MROH1: variants seen among roughly 807,000 people sequenced by gnomAD.
MROH1 encodes maestro heat-like repeat-containing protein family member 1.
A neutral mutation model predicts 116.5 loss-of-function variants in MROH1; 117 were observed. The ratio of observed to expected loss-of-function variants is 1.00; its 90% CI spans 0.86 to 1.17. The LOEUF (loss-of-function observed/expected upper bound fraction) is 1.17, where lower values mean the gene tolerates loss of function less well. Ranked by LOEUF, MROH1 falls within the 50% of genes most tolerant of loss-of-function variation. MROH1 has a pLI of 0.00. For synonymous variants in MROH1, 921 were observed against 583.9 expected, an observed-to-expected ratio of 1.58 and a Z score of -8.32; for missense variants, 1,873 against 1,338.5, an observed-to-expected ratio of 1.40 and a Z score of -6.23.
chr8:144,195,059 AT>A (rs1181017311), intron 10 of MROH1, among the ~76,000 whole-genome samples: 1 of 149,360 alleles, frequency 6.7e-6, no homozygotes, highest in Non-Finnish European at 1.5e-5. Flanking sequence ...GCCAGGTGTC[AT>A]GGCGCATGCC....
chr8:144,151,615 A>G (rs1816812752), intron 1 of MROH1, among the ~76,000 whole-genome samples: 1 of 152,260 alleles, frequency 6.6e-6, no homozygotes, highest in South Asian at 2.1e-4. Flanking sequence ...CCAAAGGGCA[A>G]GAACCCGGGA....
At chr8:144,155,762 T>A (rs1359940785) in intron 1 of MROH1, among the ~76,000 whole-genome samples, 2 of 151,262 alleles carry the variant, frequency 1.3e-5, no homozygotes, top group Non-Finnish European at 2.9e-5. Context: ...GCCTCCTGAG[T>A]AGCTGGGACT....
At chr8:144,154,051 C>T (rs922194293) in intron 1 of MROH1, among the ~76,000 whole-genome samples, 3 of 150,966 alleles carry the variant, frequency 2.0e-5, no homozygotes, top group Admixed American at 1.3e-4. Flanking sequence ...TGAGCCAAAG[C>T]GTCCACCCTA....
chr8:144,247,129 G>C (rs932781819), intron 29 of MROH1, among the ~76,000 whole-genome samples, 172 bp from the exon 30 acceptor site: 2 of 152,206 alleles, frequency 1.3e-5, no homozygotes, highest in African/African-American at 4.8e-5. Context: ...CGCTGCAGCA[G>C]GAGGGGAGGG....
At chr8:144,257,403 C>T (rs886635869) in intron 35 of MROH1, among the ~76,000 whole-genome samples, 35 of 152,260 alleles carry the variant, frequency 2.3e-4, no homozygotes, top group African/African-American at 6.7e-4. Flanking sequence ...GGAGCAGGCC[C>T]CCAGCACCTC....
Position 144,244,476 on chromosome 8 carries a change from G to A in MROH1, c.2703G>A (p.Glu901=), listed in dbSNP as rs1047764294. 6.5e-6 allele frequency: 5 copies of A among 773,258 alleles called. No homozygotes were observed. The highest frequency in any genetic ancestry group is 2.7e-5 in the South Asian group (2 of 72,808). 47.9% of individuals were successfully genotyped at this position (773,258 alleles called of 1,614,324 possible). A position where few individuals can be genotyped will look rare whatever the true frequency, so the allele number is the denominator to read the frequency against. Residue 901 remains glutamate (E), a synonymous_variant, in exon 28 of 44, where the codon GAG becomes GAA. Coordinates refer to ENST00000326134, the MANE Select transcript of MROH1 (RefSeq NM_032450.3). ...ATCTGGAGACACTGCACGCCCTTGAGGATCTGCTGACGAGCCTCCTGCAGC... is the reference window on the plus strand; with the variant it reads ...ATCTGGAGACACTGCACGCCCTTGAAGATCTGCTGACGAGCCTCCTGCAGC... ...SLYLETLHAL[E]DLLTSLLQRN...
chr8:144,200,482 G>A lies in MROH1; in HGVS notation c.1082G>A (p.Ser361Asn). 2 of 1,552,090 alleles carry A rather than the reference G, an allele frequency of 1.3e-6. No homozygotes were observed. Among genetic ancestry groups the A allele is most frequent in the Non-Finnish European group, 1.7e-6 (2 of 1,147,776 alleles). ...LAFLLPRLDT[S>N]NERTRVGTLQ... The stretch of plus-strand genomic sequence containing the variant: ...TTCCTGCTGCCCAGGCTGGACACCA[G>A]CAATGAGAGGACCCGCGTGGGCACC... Residue 361 changes from serine (S) to asparagine (N), a missense_variant, in exon 12 of 44, where the codon AGC (serine) becomes AAC (asparagine). Ser to Asn is a conservative substitution (Grantham distance 46). Transcript: ENST00000326134.
chr8:144,223,025 A>G, intron 13 of MROH1, 83 bp from the exon 14 acceptor site: 13 of 1,575,666 alleles, frequency 8.3e-6, no homozygotes, highest in Non-Finnish European at 1.0e-5. Flanking sequence ...GGTGGGAGGA[A>G]GACTGAGGTT....
At position 144,260,904 on chromosome 8, in the gene MROH1, T is replaced by C; in HGVS notation, c.4537-3T>C. The C allele has an allele frequency of 1.3e-6, 1 of 777,610 alleles. No homozygotes were observed. The highest frequency in any genetic ancestry group is 1.3e-5 in the South Asian group (1 of 74,544). The allele number at this position is 777,610 out of a possible 1,614,324, so 48.2% of individuals were successfully genotyped here. ...GACTTGGCCCCAGTGCCGCATCCCT[T>C]AGGCCTGCAGGTTTGCCCTGCGCAT... is the stretch of plus-strand genomic sequence containing the variant. On this transcript the variant is annotated splice_polypyrimidine_tract_variant and splice_region_variant and intron_variant, in intron 40 of 43. Transcript: ENST00000326134.
At chr8:144,215,984 A>G (rs1420201567) in intron 12 of MROH1, among the ~76,000 whole-genome samples, 1 of 151,946 alleles carries the variant, frequency 6.6e-6, no homozygotes, top group African/African-American at 2.4e-5. Context: ...CAGGAGTTCA[A>G]GACCAGCCTG....
chr8:144,154,040 G>A (rs1261003993), intron 1 of MROH1, among the ~76,000 whole-genome samples: 2 of 151,790 alleles, frequency 1.3e-5, no homozygotes, highest in Admixed American at 6.6e-5. Context: ...GACTACGGGC[G>A]TGAGCCAAAG....
chr8:144,172,129 A>G (rs1467708317), intron 4 of MROH1, among the ~76,000 whole-genome samples: 1 of 152,198 alleles, frequency 6.6e-6, no homozygotes, highest in Non-Finnish European at 1.5e-5. Flanking sequence ...TATTCTTGAC[A>G]TATTTTGAAA....
chr8:144,165,312 T>G lies in MROH1; in HGVS notation c.22+1464T>G, dbSNP rs150562232. Among the ~76,000 whole-genome samples, 123 of 152,016 alleles carry G rather than the reference T, an allele frequency of 8.1e-4. 3 individuals are homozygous for G. The East Asian group carries it at 0.012, about 15-fold the overall frequency. On this transcript the variant is annotated intron_variant, in intron 3 of 43. Transcript: ENST00000326134. ...TTTTGTATTTTTAGTAGAGATGGGG[T>G]TTCACCAGGTTTGCCAGGCTGGTCT...
chr8:144,256,766 A>AAGGG (rs1843905405), intron 35 of MROH1, among the ~76,000 whole-genome samples: 1 of 152,230 alleles, frequency 6.6e-6, no homozygotes, highest in African/African-American at 2.4e-5. Flanking sequence ...GCACACAAAC[A>AAGGG]AGGGAGGCAC....
chr8:144,155,051 C>T (rs983956003), intron 1 of MROH1, among the ~76,000 whole-genome samples: 2 of 152,070 alleles, frequency 1.3e-5, no homozygotes, highest in South Asian at 2.1e-4. Flanking sequence ...CTCCTGACCT[C>T]GTGATCCACC....
chr8:144,173,326 A>C (rs1822976025), intron 4 of MROH1, among the ~76,000 whole-genome samples: 1 of 151,538 alleles, frequency 6.6e-6, no homozygotes, highest in Non-Finnish European at 1.5e-5. Flanking sequence ...CAGGTTGGTC[A>C]TGAACTCCTG....
rs1318755898 is a variant in MROH1, at chr8:144,260,946, G to C, written c.4576G>C (p.Ala1526Pro). 2.6e-6 allele frequency: 2 copies of C among 777,618 alleles called. No homozygotes were observed. The highest frequency in any genetic ancestry group is 2.4e-6 in the Non-Finnish European group (1 of 417,770). 48.2% of individuals were successfully genotyped at this position (777,618 alleles called of 1,614,324 possible). The change falls in exon 41 of 44, where the codon GCA becomes CCA. Residue 1526 changes from alanine (A) to proline (P), a missense_variant. Ala to Pro is a conservative substitution (Grantham distance 27, BLOSUM62 -1). Coordinates refer to ENST00000326134, the MANE Select transcript of MROH1 (RefSeq NM_032450.3). ...CCTGCGCATGTGTGGCCCCAATCTG[G>C]CATGTGAGGAGCTCTCAGCTGCTTT... ...FALRMCGPNL[A>P]CEELSAAFQK...
At chr8:144,162,725 GTTTT>G (rs113583235) in intron 2 of MROH1, among the ~76,000 whole-genome samples, 1 of 142,438 alleles carries the variant, frequency 7.0e-6, no homozygotes, top group African/African-American at 2.6e-5. Context: ...TCTTTCTTTT[GTTTT>G]TTTTTTTCTC....
At chr8:144,156,930 A>C (rs1469426184) in intron 1 of MROH1, among the ~76,000 whole-genome samples, 2 of 147,734 alleles carry the variant, frequency 1.4e-5, no homozygotes, top group Non-Finnish European at 3.0e-5. Context: ...TTACAGGCGC[A>C]CACCACCACG....
Sources: allele counts gnomAD v4.1 joint callset (sites outside exome capture counted in the v4.1 genomes callset), GRCh38; gene constraint gnomAD v4.1.1; transcripts MANE v1.5; gene names NCBI Gene and HGNC (gene_info 2026-07-23, HGNC 2026-07-21).